The following ABCB8 variants were observed in gnomAD, a reference collection of about 807,000 sequenced individuals.
ABCB8 encodes ATP binding cassette subfamily B member 8, also known as mitochondrial potassium channel ATP-binding subunit.
Under a neutral mutation model 73.0 loss-of-function variants are expected in ABCB8, and 52 were observed. The ratio of observed to expected loss-of-function variants is 0.71; its 90% CI spans 0.57 to 0.90. ABCB8 has a LOEUF of 0.90. Among genes scored for constraint, ABCB8 ranks in the 40% least tolerant of loss-of-function variants. The pLI is 0.00. For missense variants in ABCB8, 909 were observed against 974.6 expected (o/e 0.93, Z 0.90); for synonymous variants, 428 against 423.5 (o/e 1.01, Z -0.13).
chr7:151,037,112 C>G, intron 9 of ABCB8: 1 of 701,796 alleles, frequency 1.4e-6, no homozygotes, highest in African/African-American at 1.7e-5. Flanking sequence ...ATTTGCCCTC[C>G]CCCAGCCCCT....
chr7:151,041,450 C>T (rs1168884364), intron 13 of ABCB8, among the ~76,000 whole-genome samples: 2 of 152,376 alleles, frequency 1.3e-5, no homozygotes, highest in East Asian at 1.9e-4. Flanking sequence ...AGCAGGGACG[C>T]TTTGTCCGCA....
At chr7:151,037,399 C>T in intron 9 of ABCB8, 2 of 696,672 alleles carry the variant, frequency 2.9e-6, no homozygotes, top group East Asian at 2.7e-5. Context: ...ACACCCCACC[C>T]TTATAGCTTA....
Position 151,045,241 on chromosome 7 carries a change from C to T in ABCB8, c.2049C>T (p.Gly683=), listed in dbSNP as rs144165657. 450 of 1,593,834 alleles carry T rather than the reference C, an allele frequency of 2.8e-4. 1 individual carries two copies. Among genetic ancestry groups the T allele is most frequent in the South Asian group, 3.4e-4 (30 of 88,814 alleles). Residue 683 remains glycine (G), a synonymous_variant, in exon 16 of 16, where the codon GGC becomes GGT. Coordinates refer to ENST00000358849, the MANE Select transcript of ABCB8 (RefSeq NM_007188.5). ...CACATGAAGAGCTCCTGAAGAAAGG[C>T]GGGCTATACGCCGAGCTCATCCGGA... The part of the protein sequence containing the change: ...AGTHEELLKK[G]GLYAELIRRQ...
intron 9 of ABCB8, chr7:151,037,207 G>A: frequency 1.4e-6 from 1 of 703,002 alleles, no homozygotes; most frequent in Non-Finnish European, 2.6e-6. Context: ...GTCCTTTTGT[G>A]ACTGCGTTTT....
intron 9 of ABCB8, 44 bp from the exon 10 acceptor site, chr7:151,040,221 CTCT>C (rs774223444): frequency 2.5e-6 from 4 of 1,604,608 alleles, no homozygotes; most frequent in Non-Finnish European, 3.4e-6. Flanking sequence ...CCTCCTCTGG[CTCT>C]TCTTGTTCCC....
At chr7:151,029,868 A>T in intron 1 of ABCB8, 1 of 152,314 alleles carries the variant, frequency 6.6e-6, no homozygotes. Flanking sequence ...TCCCAAGGGC[A>T]GGTGGATGTG....
At chr7:151,034,183 G>C (rs1796240454) in intron 2 of ABCB8, 90 bp from the exon 3 acceptor site, 1 of 1,430,726 alleles carries the variant, frequency 7.0e-7, no homozygotes, top group African/African-American at 1.4e-5. Context: ...GTGCTCAGTA[G>C]TGGGAGAGGA....
intron 4 of ABCB8, 53 bp downstream of exon 4, chr7:151,034,652 T>TG: frequency 1.2e-6 from 2 of 1,612,548 alleles, no homozygotes; most frequent in African/African-American, 2.7e-5. Flanking sequence ...CTGAGGGGTC[T>TG]GGGGGTAGGA....
At chr7:151,042,692 C>T (rs1796501003) in intron 14 of ABCB8, among the ~76,000 whole-genome samples, 1 of 152,220 alleles carries the variant, frequency 6.6e-6, no homozygotes, top group South Asian at 2.1e-4. Flanking sequence ...CTTTTTCCAG[C>T]CTTCGGGGCC....
At chr7:151,040,655 G>A (rs751341044) in intron 11 of ABCB8, 21 bp downstream of exon 11, 111 of 1,607,038 alleles carry the variant, frequency 6.9e-5, no homozygotes, top group East Asian at 1.6e-4. Flanking sequence ...GTGAGCAGGC[G>A]TGGGGATGGG....
intron 1 of ABCB8, chr7:151,028,896 T>C: frequency 1.4e-6 from 2 of 1,478,352 alleles, no homozygotes; most frequent in Non-Finnish European, 9.0e-7. Context: ...GGGGGTCCCC[T>C]TTCCTGGCCC....
At chr7:151,042,173 A>T in intron 14 of ABCB8, 65 bp downstream of exon 14, 1 of 1,596,066 alleles carries the variant, frequency 6.3e-7, no homozygotes, top group Non-Finnish European at 8.6e-7. Context: ...CCACAGGAGC[A>T]GTGAGCAGCC....
rs563099517 is a variant in ABCB8 at position 151,036,103 on chromosome 7, C to T, written c.1044C>T (p.Arg348=). The change falls in exon 8 of 16, where the codon CGC becomes CGT. Residue 348 remains arginine, a synonymous_variant. Coordinates refer to ENST00000358849, the MANE Select transcript of ABCB8 (RefSeq NM_007188.5). ...ATGGGGCAGAGCTGGAAGCCTGCCG[C>T]TGCCGGGCAGAGGAGCTGGGCCGCG... is the stretch of plus-strand genomic sequence containing the variant. ...ERYGAELEAC[R]CRAEELGRGI... The T allele has an allele frequency of 4.3e-6, 7 of 1,613,496 alleles. No individual in the cohort carries two copies. In the South Asian group the frequency reaches 6.6e-5, roughly 15 times the overall value.
chr7:151,042,512 C>G (rs762256537), intron 14 of ABCB8, among the ~76,000 whole-genome samples: 5 of 152,226 alleles, frequency 3.3e-5, no homozygotes, highest in African/African-American at 1.2e-4. Flanking sequence ...ATCCATCCCC[C>G]TCTGGCTCCT....
At chr7:151,034,132 C>A in intron 2 of ABCB8, 141 bp from the exon 3 acceptor site, 2 of 1,157,670 alleles carry the variant, frequency 1.7e-6, no homozygotes, top group Non-Finnish European at 2.4e-6. Flanking sequence ...CTGAGAGGCA[C>A]TGATGTGTCC....
intron 9 of ABCB8, chr7:151,037,343 C>T: frequency 1.4e-6 from 1 of 702,398 alleles, no homozygotes; most frequent in South Asian, 1.5e-5. Flanking sequence ...CTGCCCTTCC[C>T]CATGCCTGCC....
At chr7:151,031,199 G>C (rs1422005142) in intron 1 of ABCB8, 2 of 1,260,396 alleles carry the variant, frequency 1.6e-6, no homozygotes, top group Admixed American at 4.0e-5. Context: ...ATGTACCGGA[G>C]TTCTGCCAGT....
chr7:151,032,370 C>T (rs973466072), intron 1 of ABCB8, among the ~76,000 whole-genome samples: 5 of 152,196 alleles, frequency 3.3e-5, no homozygotes, highest in African/African-American at 1.2e-4. Context: ...TCCATAACTC[C>T]GAGCAGAGCA....
chr7:151,036,936 C>G, intron 9 of ABCB8: 2 of 715,244 alleles, frequency 2.8e-6, no homozygotes, highest in South Asian at 1.5e-5. Context: ...TTTGTTTCAA[C>G]TGTGGTAAAG....
Sources: allele counts gnomAD v4.1 joint callset (sites outside exome capture counted in the v4.1 genomes callset), GRCh38; gene constraint gnomAD v4.1.1; transcripts MANE v1.5; gene names NCBI Gene and HGNC (gene_info 2026-07-23, HGNC 2026-07-21).